THRB: variants seen among roughly 807,000 people sequenced by gnomAD.
The protein encoded by THRB is nuclear receptor subfamily 1 group A member 2.
In THRB, 12 loss-of-function variants were observed where a neutral mutation model predicts 47.8. That is an observed-to-expected ratio of 0.25 (90% CI 0.16 to 0.41). The LOEUF (loss-of-function observed/expected upper bound fraction) is 0.41, where lower values mean the gene tolerates loss of function less well. THRB is among the 10% of genes least tolerant of loss of function. THRB has a pLI of 1.00. For synonymous variants in THRB, 218 were observed against 212.2 expected (o/e 1.03, Z -0.24); for missense variants, 348 against 589.2 (o/e 0.59, Z 4.24).
intron 3 of THRB, among the ~76,000 whole-genome samples, chr3:24,256,278 T>C (rs1559750059): frequency 1.0e-5 from 1 of 98,154 alleles, no homozygotes; most frequent in Non-Finnish European, 2.6e-5. Context: ...TGAGTATTAC[T>C]TGGTTAGTGG....
At chr3:24,386,535 A>G (rs559283029) in intron 1 of THRB, among the ~76,000 whole-genome samples, 1 of 152,212 alleles carries the variant, frequency 6.6e-6, no homozygotes, top group South Asian at 2.1e-4. Flanking sequence ...AACTTTCCAA[A>G]GTTAACCTTC....
chr3:24,316,069 T>G (rs1409168808), intron 2 of THRB, among the ~76,000 whole-genome samples: 1 of 152,214 alleles, frequency 6.6e-6, no homozygotes, highest in East Asian at 1.9e-4. Flanking sequence ...AAATGCTTTA[T>G]TGCACTCTTT....
chr3:24,346,271 A>G (rs1396753357), intron 1 of THRB, among the ~76,000 whole-genome samples: 1 of 152,110 alleles, frequency 6.6e-6, no homozygotes, highest in Non-Finnish European at 1.5e-5. Flanking sequence ...AACTTATATT[A>G]TATACTAATA....
At chr3:24,306,516 A>G (rs1042659854) in intron 2 of THRB, among the ~76,000 whole-genome samples, 5 of 152,120 alleles carry the variant, frequency 3.3e-5, no homozygotes, top group Non-Finnish European at 5.9e-5. Flanking sequence ...CCAAAGAAAA[A>G]TAGCATAAAT....
chr3:24,190,954 G>A (rs2043261021), intron 4 of THRB, among the ~76,000 whole-genome samples: 1 of 152,044 alleles, frequency 6.6e-6, no homozygotes, highest in South Asian at 2.1e-4. Flanking sequence ...TCCCAAGTTG[G>A]CAATAAGAAC....
intron 1 of THRB, among the ~76,000 whole-genome samples, chr3:24,358,184 A>G (rs1324128087): frequency 6.6e-6 from 1 of 152,182 alleles, no homozygotes; most frequent in African/African-American, 2.4e-5. Context: ...TGCTGTATAT[A>G]GTAATTAAAT....
intron 4 of THRB, among the ~76,000 whole-genome samples, chr3:24,198,455 C>G (rs1354598267): frequency 2.0e-4 from 1 of 4,884 alleles, no homozygotes; most frequent in Non-Finnish European, 3.5e-4. Flanking sequence ...TCCCCCCGCC[C>G]CCCCCCCCCC....
chr3:24,294,604 A>G (rs1300363620), intron 3 of THRB, among the ~76,000 whole-genome samples: 3 of 152,192 alleles, frequency 2.0e-5, no homozygotes, highest in Non-Finnish European at 4.4e-5. Context: ...CTGTGTGAAC[A>G]TATGCTGCCT....
intron 1 of THRB, among the ~76,000 whole-genome samples, chr3:24,364,750 A>T (rs1420322516): frequency 1.3e-5 from 2 of 152,194 alleles, no homozygotes; most frequent in Non-Finnish European, 2.9e-5. Flanking sequence ...AAATAAACAA[A>T]TAAAAGAAAG....
In THRB at chr3:24,288,141, A is replaced by G. The variant is rs144857869; in HGVS notation, c.-43+9085T>C. ...AATATAGAAGGCAAGTTTTCTACCA[A>G]GTGGCCGGAGCAGGACAAATTGTGA... On this transcript the variant is annotated intron_variant, in intron 3 of 10. Coordinates refer to ENST00000646209, the MANE Select transcript of THRB (RefSeq NM_001354712.2). 4.1e-3 allele frequency among the ~76,000 whole-genome samples: 618 copies of G among 152,358 alleles called. 3 individuals carry two copies. The highest frequency in any genetic ancestry group is 0.014 in the African/African-American group (581 of 41,588).
At chr3:24,276,470 T>A (rs1469614703) in intron 3 of THRB, among the ~76,000 whole-genome samples, 1 of 152,176 alleles carries the variant, frequency 6.6e-6, no homozygotes, top group East Asian at 1.9e-4. Flanking sequence ...ATTTTTACCT[T>A]GAAAAGAGTA....
Position 24,445,481 on chromosome 3 carries a change from A to G in THRB, c.-261+49171T>C, listed in dbSNP as rs182084973. 9.1e-4 allele frequency among the ~76,000 whole-genome samples: 139 copies of G among 152,326 alleles called. 1 individual carries two copies. Among genetic ancestry groups the G allele is most frequent in the Non-Finnish European group, 1.5e-3 (99 of 68,022 alleles). ...AACTGGAAAAATAATTTCCAGAGAC[A>G]TAACACGCAAAGGTAGTTCATAAGC... On this transcript the variant is annotated intron_variant, in intron 1 of 10. Transcript: ENST00000646209.
intron 6 of THRB, among the ~76,000 whole-genome samples, chr3:24,147,570 TA>T (rs1349960457): frequency 3.9e-5 from 6 of 152,228 alleles, no homozygotes; most frequent in Admixed American, 6.5e-5. Flanking sequence ...AGCACCTCTG[TA>T]GCATCTGGGG....
intron 1 of THRB, among the ~76,000 whole-genome samples, chr3:24,391,240 G>T (rs2066547922): frequency 4.6e-5 from 7 of 151,632 alleles, no homozygotes; most frequent in African/African-American, 2.4e-5. Context: ...GAACATGGGT[G>T]GTAAAATATG....
At chr3:24,328,219 T>C (rs1162134497) in intron 2 of THRB, among the ~76,000 whole-genome samples, 1 of 152,172 alleles carries the variant, frequency 6.6e-6, no homozygotes, top group African/African-American at 2.4e-5. Context: ...TTTTCCTATA[T>C]TTATCAATAG....
intron 5 of THRB, among the ~76,000 whole-genome samples, chr3:24,170,131 C>A (rs779553861): frequency 6.6e-6 from 1 of 152,182 alleles, no homozygotes; most frequent in Non-Finnish European, 1.5e-5. Flanking sequence ...CAACTTAATT[C>A]TTTCTAAAAC....
chr3:24,337,425 C>T (rs2062330194), intron 1 of THRB, 54 bp from the exon 2 acceptor site: 1 of 152,098 alleles, frequency 6.6e-6, no homozygotes, highest in Admixed American at 6.5e-5. Flanking sequence ...TAAAGTTTCC[C>T]AACATTCGAT....
chr3:24,474,428 A>T (rs1244808702), intron 1 of THRB, among the ~76,000 whole-genome samples: 2 of 152,166 alleles, frequency 1.3e-5, no homozygotes, highest in Non-Finnish European at 2.9e-5. Context: ...AATCAATCAC[A>T]GTATTTTTTA....
At chr3:24,480,623 G>A (rs561608924) in intron 1 of THRB, among the ~76,000 whole-genome samples, 1 of 152,304 alleles carries the variant, frequency 6.6e-6, no homozygotes, top group Non-Finnish European at 1.5e-5. Flanking sequence ...GAGGCAAAGA[G>A]GAAGAGTGAC....
Sources: gnomAD v4.1 joint callset for allele counts (sites outside exome capture counted in the v4.1 genomes callset) on GRCh38, gnomAD v4.1.1 for gene constraint, MANE v1.5 for transcripts, NCBI Gene and HGNC (gene_info 2026-07-23, HGNC 2026-07-21) for gene names.